Variants in LINGO2 observed in about 807,000 individuals in gnomAD.
The protein encoded by LINGO2 is leucine-rich repeat and immunoglobulin-like domain-containing nogo receptor-interacting protein 2.
In LINGO2, 14 loss-of-function variants were observed where a neutral mutation model predicts 30.6. The observed-to-expected ratio is 0.46, with a 90% CI of 0.30 to 0.72. The LOEUF (loss-of-function observed/expected upper bound fraction) is 0.72, where lower values mean the gene tolerates loss of function less well. Among genes scored for constraint, LINGO2 ranks in the 30% least tolerant of loss-of-function variants. LINGO2 has a pLI of 0.07. For synonymous variants in LINGO2, 317 were observed against 288.5 expected (o/e 1.10, Z -1.00); for missense variants, 729 against 751.7 (o/e 0.97, Z 0.35).
At chr9:28,174,936 G>C (rs866424795) in intron 4 of LINGO2, among the ~76,000 whole-genome samples, 2,065 of 151,940 alleles carry the variant, frequency 0.014, 54 homozygotes, top group African/African-American at 0.048. Context: ...GAGAGAGAGA[G>C]AGAGAGAGAG....
At chr9:28,647,751 C>T (rs1155414) in intron 1 of LINGO2, among the ~76,000 whole-genome samples, 45,853 of 151,778 alleles carry the variant, frequency 0.3, 8,055 homozygotes, top group African/African-American at 0.48. Flanking sequence ...CTCCTAACTT[C>T]ACAATAAACT....
At chr9:28,941,237 G>A in the LINGO2 span, among the ~76,000 whole-genome samples, 1 of 152,128 alleles carries the variant, frequency 6.6e-6, no homozygotes, top group Non-Finnish European at 1.5e-5. Context: ...AAGGCTGAGA[G>A]GCCTGACACT....
chr9:28,082,904 T>A lies in LINGO2; in HGVS notation c.-86-70499A>T, dbSNP rs1218267606. 9.0e-4 allele frequency among the ~76,000 whole-genome samples: 137 copies of A among 152,196 alleles called. 1 individual carries two copies. Among genetic ancestry groups the A allele is most frequent in the Non-Finnish European group, 2.1e-4 (14 of 68,004 alleles). On this transcript the variant is annotated intron_variant, in intron 4 of 5. Transcript: ENST00000379992. ...AACCTTTAAGGCTTGTGTTTCTGGT[T>A]TCAAATTTTCCCTCTGTTAGCATCT...
the LINGO2 span, among the ~76,000 whole-genome samples, chr9:28,742,239 T>C: frequency 6.7e-6 from 1 of 149,900 alleles, no homozygotes; most frequent in Non-Finnish European, 1.5e-5. Flanking sequence ...GAATAACATA[T>C]ATGTGTAAAA....
At chr9:29,183,373 C>T in the LINGO2 span, among the ~76,000 whole-genome samples, 2 of 152,320 alleles carry the variant, frequency 1.3e-5, no homozygotes, top group African/African-American at 2.4e-5. Context: ...GTGGAGACAA[C>T]TCAGAACCTT....
the LINGO2 span, among the ~76,000 whole-genome samples, chr9:28,936,768 C>T: frequency 1.3e-5 from 2 of 152,144 alleles, no homozygotes; most frequent in Admixed American, 6.5e-5. Context: ...TGGTCAGTCA[C>T]ATTTGAACAT....
At chr9:28,519,273 T>C (rs565775241) in intron 1 of LINGO2, among the ~76,000 whole-genome samples, 1 of 152,026 alleles carries the variant, frequency 6.6e-6, no homozygotes, top group Non-Finnish European at 1.5e-5. Flanking sequence ...TGGGCTCAAG[T>C]GATCCCCGGC....
At chr9:28,959,965 A>G in the LINGO2 span, among the ~76,000 whole-genome samples, 1 of 152,164 alleles carries the variant, frequency 6.6e-6, no homozygotes, top group South Asian at 2.1e-4. Context: ...TTTTAATGCT[A>G]AATTTTGTGT....
chr9:28,201,122 A>T (rs969150019), intron 4 of LINGO2, among the ~76,000 whole-genome samples: 2 of 147,826 alleles, frequency 1.4e-5, no homozygotes, highest in African/African-American at 5.0e-5. Context: ...ACATGTGCAC[A>T]TTGTGCAGGT....
chr9:28,379,738 G>C (rs1437638636), intron 2 of LINGO2, among the ~76,000 whole-genome samples: 1 of 152,040 alleles, frequency 6.6e-6, no homozygotes, highest in Non-Finnish European at 1.5e-5. Context: ...TATCGAGATG[G>C]AGCATTGCTT....
At chr9:28,331,147 T>C (rs1825404204) in intron 3 of LINGO2, among the ~76,000 whole-genome samples, 1 of 152,090 alleles carries the variant, frequency 6.6e-6, no homozygotes, top group African/African-American at 2.4e-5. Flanking sequence ...TTTCCAGGTC[T>C]CTTTATTGGT....
the LINGO2 span, among the ~76,000 whole-genome samples, chr9:29,029,521 C>T: frequency 1.3e-5 from 2 of 151,962 alleles, no homozygotes; most frequent in African/African-American, 4.8e-5. Flanking sequence ...TATGTAATCC[C>T]CAGAAACCCA....
intron 1 of LINGO2, among the ~76,000 whole-genome samples, chr9:28,610,188 G>A (rs1008959148): frequency 6.6e-6 from 1 of 152,068 alleles, no homozygotes; most frequent in Non-Finnish European, 1.5e-5. Context: ...TATTTTTGAA[G>A]TATTTAAAAT....
At chr9:29,163,621 C>T in the LINGO2 span, among the ~76,000 whole-genome samples, 2 of 152,130 alleles carry the variant, frequency 1.3e-5, no homozygotes, top group Admixed American at 6.5e-5. Flanking sequence ...TAGACATATA[C>T]TCTGGCTTCT....
chr9:28,799,659 T>C, the LINGO2 span, among the ~76,000 whole-genome samples: 56 of 152,238 alleles, frequency 3.7e-4, 1 homozygote, highest in Non-Finnish European at 7.4e-4. Flanking sequence ...CTCGTGGTAA[T>C]TGATAAAGAT....
At chr9:29,004,007 G>A in the LINGO2 span, among the ~76,000 whole-genome samples, 281 of 151,864 alleles carry the variant, frequency 1.9e-3, 1 homozygote, top group African/African-American at 6.3e-3. Context: ...CTTCCCTTTC[G>A]TATCCATCTA....
chr9:28,574,771 C>T (rs1823871773), intron 1 of LINGO2, among the ~76,000 whole-genome samples: 1 of 152,162 alleles, frequency 6.6e-6, no homozygotes. Flanking sequence ...GGAATCAAAA[C>T]ATCCAAATTC....
At chr9:28,693,353 C>T in the LINGO2 span, among the ~76,000 whole-genome samples, 38 of 152,216 alleles carry the variant, frequency 2.5e-4, no homozygotes, top group African/African-American at 8.7e-4. Flanking sequence ...GTAACTGATA[C>T]TTCATTCATT....
At chr9:28,909,122 A>T in the LINGO2 span, among the ~76,000 whole-genome samples, 1 of 151,906 alleles carries the variant, frequency 6.6e-6, no homozygotes, top group East Asian at 1.9e-4. Context: ...GAATTTTATC[A>T]TTTCAAAGAC....
Sources: gnomAD v4.1 joint callset for allele counts (sites outside exome capture counted in the v4.1 genomes callset) on GRCh38, gnomAD v4.1.1 for gene constraint, MANE v1.5 for transcripts, NCBI Gene and HGNC (gene_info 2026-07-23, HGNC 2026-07-21) for gene names.